Variants in ORC5 observed in about 807,000 individuals in gnomAD.
ORC5 encodes origin recognition complex subunit 5.
A neutral mutation model predicts 58.8 loss-of-function variants in ORC5; 39 were observed. The observed-to-expected ratio is 0.66, with a 90% CI of 0.51 to 0.87. The LOEUF (loss-of-function observed/expected upper bound fraction) is 0.87, where lower values mean the gene tolerates loss of function less well. Ranked by LOEUF, ORC5 falls within the 40% of genes least tolerant of loss-of-function variation. ORC5 has a pLI of 0.00. For synonymous variants in ORC5, 218 were observed against 177.6 expected (o/e 1.23, Z -1.81); for missense variants, 493 against 506.3 (o/e 0.97, Z 0.25).
At chr7:104,147,597 G>A (rs1171400765) in intron 12 of ORC5, among the ~76,000 whole-genome samples, 1 of 152,092 alleles carries the variant, frequency 6.6e-6, no homozygotes, top group Admixed American at 6.6e-5. Context: ...ATCATAAAAG[G>A]ACAATTGGCA....
chr7:104,158,449 T>C (rs967933365), intron 12 of ORC5, among the ~76,000 whole-genome samples: 11 of 151,996 alleles, frequency 7.2e-5, no homozygotes, highest in Non-Finnish European at 1.2e-4. Context: ...CCAAAAGCAA[T>C]GGTAACAAAA....
intron 5 of ORC5, among the ~76,000 whole-genome samples, chr7:104,192,742 A>C (rs1799703267): frequency 6.6e-6 from 1 of 152,236 alleles, no homozygotes; most frequent in Non-Finnish European, 1.5e-5. Flanking sequence ...AGTACACAAG[A>C]AAATTAAAAC....
rs771140302 is a variant in ORC5 at position 104,129,720 on chromosome 7, T to C, written c.1263-2827A>G. On this transcript the variant is annotated intron_variant, in intron 13 of 13. Transcript: ENST00000297431. This position sits in a 1 kb window ranked among gnomAD's most constrained non-coding sequence, Gnocchi z 4.9. ...CTGGCTTTCCATGGTCACAGATGCATATTATAGTCACGTAAGTATAATTTT... is the reference window on the plus strand; with the variant it reads ...CTGGCTTTCCATGGTCACAGATGCACATTATAGTCACGTAAGTATAATTTT... 1.3e-5 allele frequency among the ~76,000 whole-genome samples: 2 copies of C among 152,232 alleles called. No individual in the cohort carries two copies. Among genetic ancestry groups the C allele is most frequent in the Admixed American group, 6.5e-5 (1 of 15,278 alleles).
intron 13 of ORC5, among the ~76,000 whole-genome samples, chr7:104,132,486 C>A (rs1798528316): frequency 6.6e-6 from 1 of 152,130 alleles, no homozygotes; most frequent in Non-Finnish European, 1.5e-5. Flanking sequence ...TCTTTGGTAA[C>A]TATCCTTGGG....
intron 3 of ORC5, 97 bp downstream of exon 3, chr7:104,200,661 T>G: frequency 2.7e-6 from 2 of 745,906 alleles, no homozygotes; most frequent in Admixed American, 5.0e-5. Context: ...CACAGAGCAC[T>G]GTACATAATG....
At chr7:104,192,555 ACTGTAT>A (rs1181539681) in intron 5 of ORC5, among the ~76,000 whole-genome samples, 1 of 152,132 alleles carries the variant, frequency 6.6e-6, no homozygotes, top group Non-Finnish European at 1.5e-5. Context: ...AAAAGGGTCA[ACTGTAT>A]CTGTAAGTAA....
In ORC5 at chr7:104,195,717, T is replaced by C. The variant is rs550618568; in HGVS notation, c.442-463A>G. Among the ~76,000 whole-genome samples, 16 of 152,322 alleles carry C rather than the reference T, an allele frequency of 1.1e-4. No individual in the cohort carries two copies. In the South Asian group the frequency reaches 3.3e-3, roughly 32 times the overall value. ...GATTTTTTAAGAATCTCTGAATTTA[T>C]TTCTAGAGGGGTAAAATAGCATGCC... On this transcript the variant is annotated intron_variant, in intron 4 of 13. Transcript: ENST00000297431.
chr7:104,178,674 T>C (rs1309620915), intron 8 of ORC5, among the ~76,000 whole-genome samples: 2 of 152,184 alleles, frequency 1.3e-5, no homozygotes, highest in Non-Finnish European at 2.9e-5. Context: ...GGTTTTCTTC[T>C]AGGGTTTTTA....
chr7:104,177,052 T>C (rs1455580215), intron 8 of ORC5, among the ~76,000 whole-genome samples: 1 of 152,240 alleles, frequency 6.6e-6, no homozygotes, highest in Non-Finnish European at 1.5e-5. Flanking sequence ...TTTAAGATTC[T>C]CACTTAGGTG....
At chr7:104,204,889 T>A (rs1180655281) in intron 1 of ORC5, among the ~76,000 whole-genome samples, 1 of 152,156 alleles carries the variant, frequency 6.6e-6, no homozygotes, top group African/African-American at 2.4e-5. Context: ...GTCAAAGGTC[T>A]CTCTGGTCTA....
At chr7:104,154,024 A>T (rs1798885409) in intron 12 of ORC5, among the ~76,000 whole-genome samples, 1 of 152,150 alleles carries the variant, frequency 6.6e-6, no homozygotes, top group South Asian at 2.1e-4. Context: ...TTTTGGTTAA[A>T]AATCTATAAA....
chr7:104,195,167 A>G lies in ORC5; in HGVS notation c.529T>C (p.Leu177=). ...PNTGCFEPFV[L]YFPDYSIGNL... ...CCTATGCTGTAATCAGGGAAATATA[A>G]GACAAACGGCTCAAAGCATCCAGTA... The change falls in exon 5 of 14, where the codon TTA becomes CTA. Residue 177 remains leucine, a synonymous_variant. Transcript: ENST00000297431. 1 of 1,572,762 alleles carries G rather than the reference A, an allele frequency of 6.4e-7. No homozygotes were observed. The highest frequency in any genetic ancestry group is 2.4e-5 in the East Asian group (1 of 42,220).
In ORC5 at chr7:104,138,646, T is replaced by C. The variant is rs1186082839; in HGVS notation, c.1150-1753A>G. ...CCACAGCAGCCTCCTGAGTAGCTGGTACTATAGGCACATGCCACCACACCC... is the reference window on the plus strand; with the variant it reads ...CCACAGCAGCCTCCTGAGTAGCTGGCACTATAGGCACATGCCACCACACCC... On this transcript the variant is annotated intron_variant, in intron 12 of 13. Coordinates refer to ENST00000297431, the MANE Select transcript of ORC5 (RefSeq NM_002553.4). This position sits in a 1 kb window ranked among gnomAD's most constrained non-coding sequence, Gnocchi z 4.7. 6.6e-6 allele frequency among the ~76,000 whole-genome samples: 1 copy of C among 152,030 alleles called. No individual in the cohort carries two copies. The highest frequency in any genetic ancestry group is 1.5e-5 in the Non-Finnish European group (1 of 67,972).
intron 13 of ORC5, among the ~76,000 whole-genome samples, chr7:104,128,396 C>A (rs1584472351): frequency 6.6e-6 from 1 of 152,110 alleles, no homozygotes; most frequent in African/African-American, 2.4e-5. Context: ...GTGCTAGGAT[C>A]ACAGGCGTGA....
intron 1 of ORC5, among the ~76,000 whole-genome samples, chr7:104,206,224 C>A (rs1217786343): frequency 6.6e-6 from 1 of 152,166 alleles, no homozygotes; most frequent in Non-Finnish European, 1.5e-5. Flanking sequence ...AGAAAAGGTG[C>A]TCGGTAAATA....
At chr7:104,206,581 T>C (rs1800090594) in intron 1 of ORC5, among the ~76,000 whole-genome samples, 1 of 152,212 alleles carries the variant, frequency 6.6e-6, no homozygotes, top group Non-Finnish European at 1.5e-5. Context: ...TAATTGAAGA[T>C]GCAGTTGTTG....
At chr7:104,157,826 C>T (rs757974399) in intron 12 of ORC5, among the ~76,000 whole-genome samples, 5 of 152,056 alleles carry the variant, frequency 3.3e-5, no homozygotes, top group African/African-American at 1.2e-4. Flanking sequence ...GCTACTATTA[C>T]AATCACAACT....
chr7:104,158,319 A>C (rs1798962704), intron 12 of ORC5, among the ~76,000 whole-genome samples: 1 of 152,174 alleles, frequency 6.6e-6, no homozygotes, highest in Non-Finnish European at 1.5e-5. Context: ...TTATACAAAA[A>C]TTAATTCAAC....
At chr7:104,168,804 G>A (rs558441310) in intron 8 of ORC5, among the ~76,000 whole-genome samples, 188 of 152,244 alleles carry the variant, frequency 1.2e-3, no homozygotes, top group African/African-American at 3.8e-3. Context: ...CACCCAGGCC[G>A]GGTGTGGTGG....
Sources: allele counts gnomAD v4.1 joint callset (sites outside exome capture counted in the v4.1 genomes callset), GRCh38; gene constraint gnomAD v4.1.1; non-coding constraint Gnocchi (gnomAD v3.1); transcripts MANE v1.5; gene names NCBI Gene and HGNC (gene_info 2026-07-23, HGNC 2026-07-21).